FBN1: variants seen among roughly 807,000 people sequenced by gnomAD.
FBN1 encodes the protein fibrillin 1, also known as fibrillin-1.
A neutral mutation model predicts 365.1 loss-of-function variants in FBN1; 29 were observed. The ratio of observed to expected loss-of-function variants is 0.08; its 90% CI spans 0.06 to 0.11. The LOEUF (loss-of-function observed/expected upper bound fraction) is 0.11. FBN1 is among the 10% of genes least tolerant of loss of function. The pLI is 1.00. For synonymous variants in FBN1, 1,210 were observed against 1,270.5 expected (o/e 0.95, Z 1.01); for missense variants, 2,476 against 3,703.2 (o/e 0.67, Z 8.60).
intron 2 of FBN1, chr15:48,643,238 T>G (rs1158590661): frequency 6.6e-6 from 1 of 152,240 alleles, no homozygotes; most frequent in Non-Finnish European, 1.5e-5. Flanking sequence ...GCCATGTGCC[T>G]TGCACACAGG....
At chr15:48,589,665 G>A (rs2044462307) in intron 6 of FBN1, among the ~76,000 whole-genome samples, 2 of 145,584 alleles carry the variant, frequency 1.4e-5, no homozygotes, top group Admixed American at 6.9e-5. Context: ...CCAGGCTGGA[G>A]TGCAGTGGCG....
Position 48,421,983 on chromosome 15 carries a change from G to A in FBN1, c.7539C>T (p.Pro2513=), listed in dbSNP as rs144713268. ...TIGGFTCKCP[P]GFTQHHTSCI... ...AGGACGTATGGTGTTGGGTAAATCC[G>A]GGAGGACATTTGCATGTGAAGCCGC... The change falls in exon 61 of 66, where the codon CCC becomes CCT. Residue 2513 remains proline, a synonymous_variant. Transcript: ENST00000316623. 9.3e-6 allele frequency: 15 copies of A among 1,613,828 alleles called. No homozygotes were observed. The East Asian group carries it at 1.8e-4, about 19-fold the overall frequency.
At chr15:48,528,563 A>G (rs983354944) in intron 8 of FBN1, among the ~76,000 whole-genome samples, 3 of 152,162 alleles carry the variant, frequency 2.0e-5, no homozygotes, top group Non-Finnish European at 4.4e-5. Flanking sequence ...GAGGCCCATC[A>G]TTTATAAAGT....
Position 48,534,179 on chromosome 15 carries a change from C to G in FBN1, c.763G>C (p.Gly255Arg). Residue 255 changes from glycine to arginine, a missense_variant, in exon 8 of 66, where the codon GGG becomes CGG. By Grantham distance (125) the Gly-to-Arg change is moderately radical. Around this residue, in one of 5 missense-constraint regions of FBN1, gnomAD observed 421 missense variants for 520.1 expected, o/e 0.81. Transcript: ENST00000316623. ...QDVDECQAIP[G>R]LCQGGNCINT... ...ATGCAATTTCCTCCCTGACAGAGCCCGGGGATGGCCTGGCATTCATCCACA... is the reference window on the plus strand; with the variant it reads ...ATGCAATTTCCTCCCTGACAGAGCCGGGGGATGGCCTGGCATTCATCCACA... The G allele has an allele frequency of 6.2e-7, 1 of 1,613,024 alleles. No individual in the cohort carries two copies. The highest frequency in any genetic ancestry group is 1.1e-5 in the South Asian group (1 of 91,034).
intron 6 of FBN1, among the ~76,000 whole-genome samples, chr15:48,576,538 T>C (rs1038611772): frequency 5.9e-5 from 9 of 152,122 alleles, no homozygotes; most frequent in African/African-American, 2.2e-4. Context: ...CCTTAGCACA[T>C]CCAGTGCCTG....
chr15:48,428,503 G>A, intron 56 of FBN1, 32 bp from the exon 57 acceptor site: 1 of 1,613,482 alleles, frequency 6.2e-7, no homozygotes, highest in Non-Finnish European at 8.5e-7. Flanking sequence ...CCAAAAACAA[G>A]AAGAGTCATC....
intron 5 of FBN1, among the ~76,000 whole-genome samples, chr15:48,599,271 T>C (rs1204435765): frequency 6.6e-6 from 1 of 152,108 alleles, no homozygotes; most frequent in Non-Finnish European, 1.5e-5. Flanking sequence ...TGAGGATTCA[T>C]TAAATAAACA....
intron 10 of FBN1, among the ~76,000 whole-genome samples, chr15:48,518,973 G>A (rs1489394291): frequency 6.6e-6 from 1 of 152,180 alleles, no homozygotes; most frequent in Non-Finnish European, 1.5e-5. Flanking sequence ...ACAGGAACCT[G>A]GTCTTCTGCT....
chr15:48,613,580 G>A (rs1054712941), intron 2 of FBN1, among the ~76,000 whole-genome samples: 2 of 151,920 alleles, frequency 1.3e-5, no homozygotes, highest in Non-Finnish European at 2.9e-5. Flanking sequence ...CGCAAACTCT[G>A]ACATGAGTCA....
chr15:48,543,572 G>A (rs1276323606), intron 6 of FBN1, among the ~76,000 whole-genome samples: 1 of 152,182 alleles, frequency 6.6e-6, no homozygotes, highest in Non-Finnish European at 1.5e-5. Context: ...TATAGGGATA[G>A]AGGAACAAGG....
chr15:48,491,752 A>C (rs2043560662), intron 24 of FBN1, among the ~76,000 whole-genome samples: 1 of 152,180 alleles, frequency 6.6e-6, no homozygotes, highest in Non-Finnish European at 1.5e-5. Flanking sequence ...AGAGTCATGA[A>C]CTCAGAAACC....
At chr15:48,441,586 C>T in intron 50 of FBN1, 135 bp downstream of exon 50, 1 of 1,103,932 alleles carries the variant, frequency 9.1e-7, no homozygotes, top group Non-Finnish European at 1.4e-6. Context: ...ATATGGTTAT[C>T]ATTAGACCTC....
rs931741979 is a variant in FBN1, at chr15:48,497,126, T to C, written c.2293+140A>G. 7 of 914,264 alleles carry C rather than the reference T, an allele frequency of 7.7e-6. No individual in the cohort carries two copies. In the African/African-American group the frequency reaches 9.8e-5, roughly 13 times the overall value. The allele number at this position is 914,264 out of a possible 1,614,324, so 56.6% of individuals were successfully genotyped here. On this transcript the variant is annotated intron_variant, in intron 19 of 65. Coordinates refer to ENST00000316623, the MANE Select transcript of FBN1 (RefSeq NM_000138.5). ...GTAAATTTTTGTTACTAAAGATATGTATATGCTGTGCTAACATCCGAAGTA... is the reference window on the plus strand; with the variant it reads ...GTAAATTTTTGTTACTAAAGATATGCATATGCTGTGCTAACATCCGAAGTA...
chr15:48,456,702 A>G lies in FBN1; in HGVS notation c.5357T>C (p.Val1786Ala). The G allele has an allele frequency of 6.2e-7, 1 of 1,614,034 alleles. No individual in the cohort carries two copies. Among genetic ancestry groups the G allele is most frequent in the Non-Finnish European group, 8.5e-7 (1 of 1,179,892 alleles). Residue 1786 changes from valine to alanine, a missense_variant, in exon 44 of 66, where the codon GTT (valine) becomes GCT (alanine). Transcript: ENST00000316623. ...TGGACATTCACATCGGAAGCTGCCA[A>G]CCATGTTGATACACACTCCATTTTC... The part of the protein sequence containing the change: ...VCENGVCINM[V>A]GSFRCECPVG...
At chr15:48,462,320 G>A (rs2043285419) in intron 42 of FBN1, among the ~76,000 whole-genome samples, 1 of 150,376 alleles carries the variant, frequency 6.6e-6, no homozygotes, top group South Asian at 2.1e-4. Flanking sequence ...GTACACTAAT[G>A]TCTTTATTTA....
At chr15:48,541,788 T>C (rs1361534270) in intron 6 of FBN1, among the ~76,000 whole-genome samples, 1 of 151,616 alleles carries the variant, frequency 6.6e-6, no homozygotes, top group Non-Finnish European at 1.5e-5. Flanking sequence ...AACTCAAAGC[T>C]TGTGTAACGT....
intron 2 of FBN1, 199 bp downstream of exon 2, chr15:48,644,407 C>G (rs527901507): frequency 1.4e-6 from 1 of 730,022 alleles, no homozygotes; most frequent in South Asian, 1.7e-5. Flanking sequence ...ACGTCCTCTC[C>G]TTTGGGGCAG....
intron 20 of FBN1, 106 bp from the exon 21 acceptor site, chr15:48,495,694 G>T: frequency 7.1e-7 from 1 of 1,414,298 alleles, no homozygotes; most frequent in Non-Finnish European, 9.9e-7. Flanking sequence ...ATCCCACACA[G>T]TAAAGCTGGG....
chr15:48,622,547 C>A (rs1467501658), intron 2 of FBN1, among the ~76,000 whole-genome samples: 1 of 152,122 alleles, frequency 6.6e-6, no homozygotes, highest in African/African-American at 2.4e-5. Context: ...ATATCATGTT[C>A]TTTTTTCCTG....
Sources: gnomAD v4.1 joint callset for allele counts (sites outside exome capture counted in the v4.1 genomes callset) on GRCh38, gnomAD v4.1.1 for gene constraint, gnomAD v4.1.1 regional missense constraint, MANE v1.5 for transcripts, NCBI Gene and HGNC (gene_info 2026-07-23, HGNC 2026-07-21) for gene names.